NR2C1: variants seen among roughly 807,000 people sequenced by gnomAD.
The protein encoded by NR2C1 is TR2 nuclear hormone receptor.
NR2C1 carries 33 observed loss-of-function variants against 74.8 expected under a neutral mutation model. The observed-to-expected ratio is 0.44, with a 90% confidence interval of 0.33 to 0.59. The LOEUF (loss-of-function observed/expected upper bound fraction) is 0.59. Among genes scored for constraint, NR2C1 ranks in the 20% least tolerant of loss-of-function variants. NR2C1 has a pLI of 0.02. For missense variants in NR2C1, 568 were observed against 715.6 expected (o/e 0.79, Z 2.35); for synonymous variants, 225 against 240.6 (o/e 0.94, Z 0.60).
chr12:95,024,607 A>C (rs1357960089), intron 13 of NR2C1, among the ~76,000 whole-genome samples: 1 of 152,024 alleles, frequency 6.6e-6, no homozygotes, highest in African/African-American at 2.4e-5. Flanking sequence ...TTTATTTTTT[A>C]ATATTTTTTA....
chr12:95,022,374 G>T lies in NR2C1; in HGVS notation c.1667C>A (p.Ala556Asp). 2.5e-6 allele frequency: 4 copies of T among 1,612,862 alleles called. No homozygotes were observed. The highest frequency in any genetic ancestry group is 3.4e-6 in the Non-Finnish European group (4 of 1,179,774). ...GATGGTAGCATTCATCAGTCTTAAA[G>T]CTGGCAATCTGAGTAGTAGTCTGGA... The part of the protein sequence containing the change: ...RLSRLLLRLP[A>D]LRLMNATITE... Residue 556 changes from alanine (A) to aspartate (D), a missense_variant, in exon 14 of 14, where the codon GCT (alanine) becomes GAT (aspartate). Ala to Asp is a moderately radical substitution (Grantham distance 126). Around this residue, in one of 6 missense-constraint regions of NR2C1, gnomAD observed 117 missense variants for 186.7 expected, o/e 0.63. Coordinates refer to ENST00000333003, the MANE Select transcript of NR2C1 (RefSeq NM_003297.4).
chr12:95,050,483 A>G (rs913171813), intron 8 of NR2C1, among the ~76,000 whole-genome samples: 1 of 151,866 alleles, frequency 6.6e-6, no homozygotes, highest in African/African-American at 2.4e-5. Flanking sequence ...TAATTTTTTC[A>G]TTTTTAGTAG....
At chr12:95,050,569 A>G (rs1249774062) in intron 8 of NR2C1, among the ~76,000 whole-genome samples, 1 of 151,922 alleles carries the variant, frequency 6.6e-6, no homozygotes, top group Non-Finnish European at 1.5e-5. Context: ...TCGGCCTCCT[A>G]AAGTGGTAGG....
intron 1 of NR2C1, among the ~76,000 whole-genome samples, chr12:95,071,695 A>G (rs892044427): frequency 1.3e-5 from 2 of 152,060 alleles, no homozygotes; most frequent in African/African-American, 2.4e-5. Flanking sequence ...CTTTCCTAGA[A>G]GAAACTAACA....
At chr12:95,068,677 C>G (rs1223403061) in intron 1 of NR2C1, among the ~76,000 whole-genome samples, 1 of 151,974 alleles carries the variant, frequency 6.6e-6, no homozygotes, top group Non-Finnish European at 1.5e-5. Context: ...GCCTGTAATC[C>G]CAGCTACTCA....
chr12:95,037,525 GA>G (rs1870991697), intron 10 of NR2C1, among the ~76,000 whole-genome samples: 1 of 152,174 alleles, frequency 6.6e-6, no homozygotes, highest in Non-Finnish European at 1.5e-5. Context: ...CTTGATTTCA[GA>G]AAATGATTAA....
intron 9 of NR2C1, among the ~76,000 whole-genome samples, chr12:95,048,755 G>C (rs905145568): frequency 2.0e-5 from 3 of 151,616 alleles, no homozygotes; most frequent in Non-Finnish European, 2.9e-5. Context: ...CTCCCGAGTA[G>C]CTGGGATTAC....
At chr12:95,071,337 G>T (rs1057150195) in intron 1 of NR2C1, among the ~76,000 whole-genome samples, 17 of 152,244 alleles carry the variant, frequency 1.1e-4, no homozygotes, top group African/African-American at 3.9e-4. Flanking sequence ...AATACTGTCT[G>T]TAAAATTTTA....
At position 95,025,255 on chromosome 12, in the gene NR2C1, T is replaced by A. The variant is rs1473719274; in HGVS notation, c.1532A>T (p.Asp511Val). The change falls in exon 13 of 14, where the codon GAT (aspartate) becomes GTT (valine). Residue 511 changes from aspartate (D) to valine (V), a missense_variant and splice_region_variant. This residue lies in a region of NR2C1 where 117 missense variants were observed against 186.7 expected (regional missense o/e 0.63). Transcript: ENST00000333003. ...TTCCATGTTTTCTAGGCTTGGATGATCTGAAACATTAAAGAAAACATTGGT... is the reference window on the plus strand; with the variant it reads ...TTCCATGTTTTCTAGGCTTGGATGAACTGAAACATTAAAGAAAACATTGGT... ...YLKAIVLFSP[D>V]HPSLENMEQI... The A allele has an allele frequency of 1.3e-6, 2 of 1,528,610 alleles. No homozygotes were observed. The highest frequency in any genetic ancestry group is 1.8e-6 in the Non-Finnish European group (2 of 1,110,746). 94.7% of individuals were successfully genotyped at this position (1,528,610 alleles called of 1,614,324 possible). A position where few individuals can be genotyped will look rare whatever the true frequency, so the allele number is the denominator to read the frequency against.
chr12:95,072,735 C>T (rs914468848), intron 1 of NR2C1: 11 of 152,270 alleles, frequency 7.2e-5, no homozygotes, highest in African/African-American at 2.7e-4. Flanking sequence ...AGCTATCTAT[C>T]GGAAGCTTGG....
Position 95,040,588 on chromosome 12 carries a change from G to C in NR2C1, c.1141C>G (p.Pro381Ala), listed in dbSNP as rs778962119. The C allele has an allele frequency of 1.9e-6, 3 of 1,610,690 alleles. No individual in the cohort carries two copies. The highest frequency in any genetic ancestry group is 2.5e-6 in the Non-Finnish European group (3 of 1,177,960). Residue 381 changes from proline (P) to alanine (A), a missense_variant, in exon 10 of 14, where the codon CCT becomes GCT. Pro to Ala is a conservative substitution (Grantham distance 27). Coordinates refer to ENST00000333003, the MANE Select transcript of NR2C1 (RefSeq NM_003297.4). The part of the protein sequence containing the change: ...DSHVAFRLTM[P>A]SPMPEYLNVH... ...TTCAGGTACTCAGGCATAGGAGAAG[G>C]CATGGTGAGCTAGTATGAACAGGGA...
At chr12:95,039,302 T>G (rs1283838465) in intron 10 of NR2C1, among the ~76,000 whole-genome samples, 1 of 152,254 alleles carries the variant, frequency 6.6e-6, no homozygotes, top group Non-Finnish European at 1.5e-5. Flanking sequence ...GTTCACATAT[T>G]TCTTTGTTAT....
chr12:95,030,925 A>G, intron 11 of NR2C1: 2 of 1,379,902 alleles, frequency 1.4e-6, no homozygotes, highest in Non-Finnish European at 2.0e-6. Flanking sequence ...CTTCAGAACT[A>G]TTTAGGTGAG....
At position 95,049,087 on chromosome 12, in the gene NR2C1, T is replaced by C; in HGVS notation, c.1112A>G (p.Asp371Gly). 4 of 1,613,976 alleles carry C rather than the reference T, an allele frequency of 2.5e-6. No individual in the cohort carries two copies. The highest frequency in any genetic ancestry group is 3.4e-6 in the Non-Finnish European group (4 of 1,179,892). ...AAATACCCTGAAAGCTACATGTGAATCGCTGAGAAGTGGCCCCTCTTTTTC... is the reference window on the plus strand; with the variant it reads ...AAATACCCTGAAAGCTACATGTGAACCGCTGAGAAGTGGCCCCTCTTTTTC... Reference protein sequence around the residue: ...YTEKEGPLLSDSHVAFRLTMP... With the variant: ...YTEKEGPLLSGSHVAFRLTMP... Residue 371 changes from aspartate to glycine, a missense_variant, in exon 9 of 14, where the codon GAT becomes GGT. This residue lies in a region of NR2C1 where 239 missense variants were observed against 232.3 expected (regional missense o/e 1.03). Coordinates refer to ENST00000333003, the MANE Select transcript of NR2C1 (RefSeq NM_003297.4).
chr12:95,038,495 C>A (rs940479910), intron 10 of NR2C1, among the ~76,000 whole-genome samples: 1 of 152,236 alleles, frequency 6.6e-6, no homozygotes, highest in African/African-American at 2.4e-5. Context: ...CAGAGGCTCA[C>A]GCCTATAACA....
At position 95,040,580 on chromosome 12, in the gene NR2C1, A is replaced by T. The variant is rs1247097074; in HGVS notation, c.1149T>A (p.Pro383=). 1 of 1,612,492 alleles carries T rather than the reference A, an allele frequency of 6.2e-7. No homozygotes were observed. The highest frequency in any genetic ancestry group is 1.7e-5 in the Admixed American group (1 of 59,934). Residue 383 remains proline (P), a synonymous_variant, in exon 10 of 14, where the codon CCT becomes CCA. Transcript: ENST00000333003. ...AGTGCACATTCAGGTACTCAGGCAT[A>T]GGAGAAGGCATGGTGAGCTAGTATG... ...HVAFRLTMPS[P]MPEYLNVHYI...
At chr12:95,036,272 TAAAAAAAAA>T (rs368229386) in intron 10 of NR2C1, among the ~76,000 whole-genome samples, 2 of 127,232 alleles carry the variant, frequency 1.6e-5, no homozygotes, top group African/African-American at 3.0e-5. Flanking sequence ...ATGTTGAGAT[TAAAAAAAAA>T]AAAAAAAAAG....
At chr12:95,056,449 C>G (rs1873886818) in intron 7 of NR2C1, among the ~76,000 whole-genome samples, 1 of 152,138 alleles carries the variant, frequency 6.6e-6, no homozygotes, top group African/African-American at 2.4e-5. Context: ...CTTGGTCTAA[C>G]ATAGAGCTGC....
At chr12:95,027,422 C>A (rs1449780118) in intron 12 of NR2C1, among the ~76,000 whole-genome samples, 1 of 152,116 alleles carries the variant, frequency 6.6e-6, no homozygotes, top group Non-Finnish European at 1.5e-5. Flanking sequence ...TGTCTAACAT[C>A]CTTAAAATTC....
Sources: allele counts gnomAD v4.1 joint callset (sites outside exome capture counted in the v4.1 genomes callset), GRCh38; gene constraint gnomAD v4.1.1; regional missense constraint gnomAD v4.1.1; transcripts MANE v1.5; gene names NCBI Gene and HGNC (gene_info 2026-07-23, HGNC 2026-07-21).